SESN1: variants seen among roughly 807,000 people sequenced by gnomAD.
The protein encoded by SESN1 is sestrin-1.
A neutral mutation model predicts 59.3 loss-of-function variants in SESN1; 30 were observed. The observed-to-expected ratio is 0.51, with a 90% CI of 0.38 to 0.69. SESN1 has a LOEUF of 0.69. Among genes scored for constraint, SESN1 ranks in the 30% least tolerant of loss-of-function variants. The pLI is 0.00. For missense variants in SESN1, 566 were observed against 673.0 expected (o/e 0.84, Z 1.76); for synonymous variants, 197 against 219.9 (o/e 0.90, Z 0.92).
At chr6:109,032,884 TA>T (rs1780205115) in intron 1 of SESN1, among the ~76,000 whole-genome samples, 1 of 152,070 alleles carries the variant, frequency 6.6e-6, no homozygotes, top group South Asian at 2.1e-4. Context: ...TTTCTTCTGC[TA>T]AAAGGGAAGA....
At chr6:109,045,242 A>G (rs1780409291) in intron 1 of SESN1, among the ~76,000 whole-genome samples, 1 of 151,924 alleles carries the variant, frequency 6.6e-6, no homozygotes, top group Admixed American at 6.6e-5. Flanking sequence ...TCTATCCCCT[A>G]TCCTCAACCT....
intron 1 of SESN1, among the ~76,000 whole-genome samples, chr6:109,038,672 T>C (rs935340895): frequency 2.6e-5 from 4 of 152,222 alleles, no homozygotes; most frequent in Non-Finnish European, 2.9e-5. Flanking sequence ...TGGGACAGAA[T>C]TGCCTATGCA....
chr6:109,020,143 A>C (rs1001826400), intron 1 of SESN1, among the ~76,000 whole-genome samples: 8 of 152,154 alleles, frequency 5.3e-5, no homozygotes, highest in African/African-American at 1.9e-4. Context: ...ACAGGTAAGG[A>C]CTCAACTGCT....
chr6:109,050,925 T>C (rs1780530333), intron 1 of SESN1, among the ~76,000 whole-genome samples: 1 of 152,140 alleles, frequency 6.6e-6, no homozygotes, highest in African/African-American at 2.4e-5. Flanking sequence ...GGGAATGTGG[T>C]CCTCAGCCAC....
At chr6:109,000,057 T>C (rs1442988746) in intron 4 of SESN1, 1 of 152,632 alleles carries the variant, frequency 6.6e-6, no homozygotes, top group African/African-American at 2.4e-5. Context: ...TTTTGTATGA[T>C]TCCAGCTGTA....
chr6:109,081,063 T>C (rs375977348), intron 1 of SESN1, among the ~76,000 whole-genome samples: 6 of 152,186 alleles, frequency 3.9e-5, no homozygotes, highest in Admixed American at 1.3e-4. Flanking sequence ...ATCTGAAATC[T>C]GAAACACTTC....
At chr6:109,086,668 CATGA>C (rs764350274) in intron 1 of SESN1, among the ~76,000 whole-genome samples, 72 of 152,308 alleles carry the variant, frequency 4.7e-4, no homozygotes, top group Non-Finnish European at 7.5e-4. Flanking sequence ...TTCATGATGT[CATGA>C]ACAACCCATG....
chr6:109,052,816 T>G (rs1244053140), intron 1 of SESN1, among the ~76,000 whole-genome samples: 1 of 152,200 alleles, frequency 6.6e-6, no homozygotes, highest in Non-Finnish European at 1.5e-5. Flanking sequence ...AGTTCATTCA[T>G]TTGTCCCTAC....
chr6:108,992,853 C>A lies in SESN1; in HGVS notation c.1167G>T (p.Glu389Asp). The part of the protein sequence containing the change: ...TPARAVSRHF[E>D]DTSYGYKDFS... The stretch of plus-strand genomic sequence containing the variant: ...AATCTTTATAGCCATAACTAGTATC[C>A]TCAAAATGACGAGATACAGCTCTTG... The change falls in exon 7 of 10, where the codon GAG becomes GAT. Residue 389 changes from glutamate to aspartate, a missense_variant. Coordinates refer to ENST00000436639, the MANE Select transcript of SESN1 (RefSeq NM_014454.3). 6.2e-7 allele frequency: 1 copy of A among 1,613,562 alleles called. No homozygotes were observed. The highest frequency in any genetic ancestry group is 8.5e-7 in the Non-Finnish European group (1 of 1,179,750).
In SESN1 at chr6:108,986,458, C is replaced by CTT. The variant is rs1779195119; in HGVS notation, c.*1084_*1085dup. The CTT allele has an allele frequency of 6.6e-6, 1 of 152,590 alleles. No homozygotes were observed. Among genetic ancestry groups the CTT allele is most frequent in the Non-Finnish European group, 1.5e-5 (1 of 68,006 alleles). The allele number at this position is 152,590 out of a possible 1,614,324, so 9.5% of individuals were successfully genotyped here. On this transcript the variant is annotated 3_prime_UTR_variant, in exon 10 of 10. Coordinates refer to ENST00000436639, the MANE Select transcript of SESN1 (RefSeq NM_014454.3). ...CAAATAAAATTGGAGAAAAATTCTT[C>CTT]TTTATTTAAAAATACCAGTAATACT...
At chr6:109,064,240 A>G (rs1294315137) in intron 1 of SESN1, among the ~76,000 whole-genome samples, 3 of 151,802 alleles carry the variant, frequency 2.0e-5, no homozygotes, top group Non-Finnish European at 4.4e-5. Context: ...AAACAGCTAT[A>G]CCCTTATGTT....
At chr6:109,054,635 T>C (rs1448465790) in intron 1 of SESN1, among the ~76,000 whole-genome samples, 1 of 152,184 alleles carries the variant, frequency 6.6e-6, no homozygotes, top group Admixed American at 6.5e-5. Context: ...TCTCAAAAAA[T>C]TTCTTCTGTC....
intron 1 of SESN1, among the ~76,000 whole-genome samples, chr6:109,010,198 C>T (rs1324038226): frequency 1.3e-5 from 2 of 152,106 alleles, no homozygotes; most frequent in Non-Finnish European, 1.5e-5. Context: ...TTCATAAGCG[C>T]CCTCCCTGGG....
intron 1 of SESN1, among the ~76,000 whole-genome samples, chr6:109,051,353 T>C (rs1780539302): frequency 6.6e-6 from 1 of 152,178 alleles, no homozygotes; most frequent in Non-Finnish European, 1.5e-5. Context: ...GCTACTTCAG[T>C]GAAAAATGTA....
At chr6:109,063,118 C>T (rs544460453) in intron 1 of SESN1, among the ~76,000 whole-genome samples, 27 of 152,164 alleles carry the variant, frequency 1.8e-4, no homozygotes, top group Non-Finnish European at 2.9e-4. Context: ...ACTGCCCTGT[C>T]TGAGTCCCAG....
intron 2 of SESN1, 88 bp downstream of exon 2, chr6:109,002,190 C>A: frequency 1.7e-6 from 2 of 1,148,188 alleles, no homozygotes; most frequent in East Asian, 2.4e-5. Context: ...TGTTGTTGAC[C>A]AACAGTTCTT....
chr6:109,058,099 T>C (rs999255753), intron 1 of SESN1, among the ~76,000 whole-genome samples: 1 of 152,162 alleles, frequency 6.6e-6, no homozygotes, highest in Admixed American at 6.5e-5. Context: ...TTAATTAACT[T>C]TTTGAGGCAG....
chr6:108,998,466 A>AT, intron 5 of SESN1, 47 bp downstream of exon 5: 1 of 1,604,670 alleles, frequency 6.2e-7, no homozygotes, highest in South Asian at 1.1e-5. Flanking sequence ...TATAACAGCA[A>AT]TTATTGTGAT....
intron 8 of SESN1, among the ~76,000 whole-genome samples, chr6:108,989,477 GTA>G (rs1254602460): frequency 7.2e-6 from 1 of 139,232 alleles, no homozygotes. Context: ...AGAAATATCT[GTA>G]TATATATCTC....
Sources: allele counts gnomAD v4.1 joint callset (sites outside exome capture counted in the v4.1 genomes callset), GRCh38; gene constraint gnomAD v4.1.1; transcripts MANE v1.5; gene names NCBI Gene and HGNC (gene_info 2026-07-23, HGNC 2026-07-21).